Variants in DMD observed in about 807,000 individuals in gnomAD.
DMD encodes dystrophin.
DMD carries 63 observed loss-of-function variants against 330.1 expected under a neutral mutation model. The ratio of observed to expected loss-of-function variants is 0.19; its 90% CI spans 0.16 to 0.24. The LOEUF (loss-of-function observed/expected upper bound fraction) is 0.24, where lower values mean the gene tolerates loss of function less well. DMD is among the 10% of genes least tolerant of loss of function. DMD has a pLI of 1.00. For missense variants in DMD, 3,344 were observed against 2,684.1 expected, an observed-to-expected ratio of 1.25 and a Z score of -5.43; for synonymous variants, 1,223 against 959.8, an observed-to-expected ratio of 1.27 and a Z score of -5.07.
intron 57 of DMD, among the ~76,000 whole-genome samples, chrX:31,492,172 T>C (rs767592810): frequency 7.5e-4 from 85 of 112,588 alleles, no homozygotes; most frequent in African/African-American, 2.5e-3. Context: ...CAATACAATG[T>C]ACAATTCTGG....
intron 44 of DMD, among the ~76,000 whole-genome samples, chrX:32,022,812 T>C (rs1459125921): frequency 1.9e-5 from 2 of 107,357 alleles, no homozygotes; most frequent in Non-Finnish European, 3.8e-5. Flanking sequence ...CAAAGAGAAC[T>C]CGGTATAATC....
chrX:31,446,293 AG>A (rs1294427205), intron 59 of DMD, among the ~76,000 whole-genome samples: 1 of 112,259 alleles, frequency 8.9e-6, no homozygotes, highest in Non-Finnish European at 1.9e-5. Flanking sequence ...TTAAGCAATC[AG>A]GGGGTTTCTT....
intron 44 of DMD, among the ~76,000 whole-genome samples, chrX:32,072,849 G>C (rs2096311235): frequency 9.0e-6 from 1 of 111,182 alleles, no homozygotes; most frequent in African/African-American, 3.3e-5. Context: ...TTAATGCTTT[G>C]TCATTTTGTT....
At chrX:33,087,675 A>G (rs1389265197) in intron 1 of DMD, among the ~76,000 whole-genome samples, 1 of 111,949 alleles carries the variant, frequency 8.9e-6, no homozygotes, top group Non-Finnish European at 1.9e-5. Context: ...ACAGCCTCCC[A>G]GTAAAATAAA....
intron 56 of DMD, among the ~76,000 whole-genome samples, chrX:31,501,861 G>T (rs911551017): frequency 9.0e-6 from 1 of 111,216 alleles, no homozygotes; most frequent in African/African-American, 3.3e-5. Flanking sequence ...ACTTAAACAT[G>T]CAGAAAGAAA....
intron 47 of DMD, among the ~76,000 whole-genome samples, chrX:31,893,252 G>T (rs1377194151): frequency 8.9e-6 from 1 of 111,896 alleles, no homozygotes; most frequent in Non-Finnish European, 1.9e-5. Context: ...ATAGTAGCTT[G>T]TCTTGAACAA....
intron 44 of DMD, among the ~76,000 whole-genome samples, chrX:31,987,445 C>T (rs1032398594): frequency 2.7e-5 from 3 of 111,692 alleles, no homozygotes; most frequent in Non-Finnish European, 3.8e-5. Context: ...TCCCCATTCT[C>T]GCTTTTCCCC....
chrX:32,887,871 G>A (rs1032112032), intron 2 of DMD, among the ~76,000 whole-genome samples: 18 of 106,518 alleles, frequency 1.7e-4, no homozygotes, highest in African/African-American at 6.2e-4. Context: ...GACAAATGAA[G>A]TTGCATCAAC....
At chrX:31,322,264 T>C (rs187758864) in intron 62 of DMD, among the ~76,000 whole-genome samples, 61 of 112,027 alleles carry the variant, frequency 5.4e-4, no homozygotes, top group East Asian at 5.3e-3. Flanking sequence ...AATCACTGTC[T>C]AGAGTTTGAA....
intron 51 of DMD, among the ~76,000 whole-genome samples, chrX:31,731,219 T>C (rs1267185431): frequency 1.8e-5 from 2 of 112,281 alleles, no homozygotes; most frequent in African/African-American, 6.5e-5. Context: ...CTAACTTTTA[T>C]GGTTTCTTTA....
At chrX:32,696,794 T>C (rs765931721) in intron 9 of DMD, among the ~76,000 whole-genome samples, 3 of 111,150 alleles carry the variant, frequency 2.7e-5, no homozygotes, top group Non-Finnish European at 5.7e-5. Context: ...TGGTGATAAA[T>C]TGAGTCTAGA....
At chrX:32,617,238 T>A (rs750881534) in intron 11 of DMD, among the ~76,000 whole-genome samples, 1 of 111,067 alleles carries the variant, frequency 9.0e-6, no homozygotes, top group South Asian at 3.8e-4. Flanking sequence ...CAGAAGATAC[T>A]CGATCAATAT....
In DMD at chrX:32,468,797, A is replaced by G. The variant is rs993274127; in HGVS notation, c.2950-87T>C. 3.4e-5 allele frequency: 27 copies of G among 786,554 alleles called. No homozygotes were observed. The Admixed American group carries it at 4.6e-4, about 13-fold the overall frequency. The allele number at this position is 786,554 out of a possible 1,213,427, so 64.8% of individuals were successfully genotyped here. On this transcript the variant is annotated intron_variant, in intron 22 of 78. Coordinates refer to ENST00000357033, the MANE Select transcript of DMD (RefSeq NM_004006.3). ...GTGAAATTAACTGTACTTGAAATCT[A>G]TATGATTCAAACATGTAAACAAAGT...
intron 30 of DMD, among the ~76,000 whole-genome samples, chrX:32,402,728 T>C (rs773110047): frequency 9.0e-6 from 1 of 111,606 alleles, no homozygotes; most frequent in South Asian, 3.7e-4. Context: ...CTATTCAAAG[T>C]ATTTTGGAAA....
chrX:31,710,758 G>C (rs1175533684), intron 52 of DMD, among the ~76,000 whole-genome samples: 2 of 111,338 alleles, frequency 1.8e-5, no homozygotes, highest in African/African-American at 3.3e-5. Flanking sequence ...ATCATCTCTA[G>C]GTAAACTACT....
intron 34 of DMD, among the ~76,000 whole-genome samples, chrX:32,376,682 G>T (rs2097904230): frequency 9.0e-6 from 1 of 110,722 alleles, no homozygotes; most frequent in Admixed American, 9.6e-5. Flanking sequence ...CACAGCCACG[G>T]TAAGGAGGTG....
chrX:32,473,301 G>C (rs1036792588), intron 21 of DMD, among the ~76,000 whole-genome samples: 2 of 111,322 alleles, frequency 1.8e-5, no homozygotes, highest in Admixed American at 9.6e-5. Context: ...TTAAGATTCA[G>C]AAGGAAATAC....
chrX:31,912,933 G>T (rs1472135326), intron 47 of DMD, among the ~76,000 whole-genome samples: 1 of 112,813 alleles, frequency 8.9e-6, no homozygotes, highest in Non-Finnish European at 1.9e-5. Context: ...GAAGATTGGT[G>T]CTTGTTCTTT....
intron 27 of DMD, among the ~76,000 whole-genome samples, chrX:32,443,384 A>T (rs2098290357): frequency 1.8e-5 from 2 of 110,905 alleles, no homozygotes; most frequent in South Asian, 7.5e-4. Context: ...AAGTGAAATT[A>T]AGTGTTTTGC....
Sources: allele counts gnomAD v4.1 joint callset (sites outside exome capture counted in the v4.1 genomes callset), GRCh38; gene constraint gnomAD v4.1.1; transcripts MANE v1.5; gene names NCBI Gene and HGNC (gene_info 2026-07-23, HGNC 2026-07-21).